The following DLGAP2 variants were observed in gnomAD, a reference collection of about 807,000 sequenced individuals.
DLGAP2 encodes disks large-associated protein 2.
A neutral mutation model predicts 100.3 loss-of-function variants in DLGAP2; 26 were observed. The ratio of observed to expected loss-of-function variants is 0.26; its 90% CI spans 0.19 to 0.36. The LOEUF (loss-of-function observed/expected upper bound fraction) is 0.36, where lower values mean the gene tolerates loss of function less well. Among genes scored for constraint, DLGAP2 ranks in the 10% least tolerant of loss-of-function variants. The pLI, the probability that DLGAP2 is intolerant of heterozygous loss-of-function variation, is 1.00. For synonymous variants in DLGAP2, 886 were observed against 630.1 expected (o/e 1.41, Z -6.08); for missense variants, 1,858 against 1,453.2 (o/e 1.28, Z -4.53).
chr8:1,630,894 C>T (rs935974097), intron 7 of DLGAP2, among the ~76,000 whole-genome samples: 47 of 139,168 alleles, frequency 3.4e-4, no homozygotes, highest in African/African-American at 1.3e-3. Context: ...GCGGGAGGTC[C>T]GGGTGTCCCG....
At chr8:912,358 A>G (rs926757301) in intron 2 of DLGAP2, among the ~76,000 whole-genome samples, 3 of 152,196 alleles carry the variant, frequency 2.0e-5, no homozygotes, top group East Asian at 3.9e-4. Flanking sequence ...TGTGGAACTG[A>G]CGGTTGCTTA....
chr8:1,088,855 A>C (rs1376854845), intron 2 of DLGAP2, among the ~76,000 whole-genome samples: 1 of 27,434 alleles, frequency 3.6e-5, no homozygotes, highest in African/African-American at 1.7e-4. Flanking sequence ...CCCCCACCCC[A>C]CTCTCTCCAC....
chr8:1,289,158 C>A (rs1387685625), intron 3 of DLGAP2, among the ~76,000 whole-genome samples: 1 of 152,126 alleles, frequency 6.6e-6, no homozygotes, highest in African/African-American at 2.4e-5. Context: ...AAGCCAATGT[C>A]TGCATTTAGC....
chr8:937,027 G>A (rs1297475741), intron 2 of DLGAP2, among the ~76,000 whole-genome samples: 1 of 152,186 alleles, frequency 6.6e-6, no homozygotes, highest in Non-Finnish European at 1.5e-5. Context: ...CTGTTTCTGT[G>A]TACAGAGGTC....
intron 1 of DLGAP2, among the ~76,000 whole-genome samples, chr8:815,098 T>C (rs2132676183): frequency 6.6e-6 from 1 of 151,938 alleles, no homozygotes; most frequent in East Asian, 1.9e-4. Context: ...GAAAGGGGGG[T>C]GTCGCAGTGC....
intron 8 of DLGAP2, among the ~76,000 whole-genome samples, chr8:1,662,293 C>T (rs1798425837): frequency 6.6e-6 from 1 of 152,140 alleles, no homozygotes; most frequent in African/African-American, 2.4e-5. Flanking sequence ...GTTAATAGTC[C>T]CTTTAAACAG....
intron 3 of DLGAP2, among the ~76,000 whole-genome samples, chr8:1,420,056 A>T (rs1399177870): frequency 6.6e-6 from 1 of 152,184 alleles, no homozygotes; most frequent in Non-Finnish European, 1.5e-5. Flanking sequence ...ACAGTGAATT[A>T]AGTCACTGGC....
At chr8:994,043 C>T (rs1800712876) in intron 2 of DLGAP2, among the ~76,000 whole-genome samples, 1 of 152,120 alleles carries the variant, frequency 6.6e-6, no homozygotes, top group East Asian at 1.9e-4. Context: ...TTAAACCCAG[C>T]AGGCGTTGCG....
chr8:1,191,225 A>G (rs11136356), intron 2 of DLGAP2, among the ~76,000 whole-genome samples: 58,403 of 139,382 alleles, frequency 0.42, 13,219 homozygotes, highest in Middle Eastern at 0.54. Context: ...AGGCTGGAGT[A>G]CAGTGGCGCG....
intron 1 of DLGAP2, among the ~76,000 whole-genome samples, chr8:873,891 C>T (rs1192650279): frequency 2.0e-5 from 3 of 152,136 alleles, no homozygotes; most frequent in African/African-American, 4.8e-5. Context: ...TTGCAGTCTT[C>T]ACTCTCGAGA....
intron 1 of DLGAP2, among the ~76,000 whole-genome samples, chr8:797,423 G>C (rs978030869): frequency 8.5e-5 from 13 of 152,230 alleles, no homozygotes; most frequent in African/African-American, 2.7e-4. Flanking sequence ...TTCTGCTGAA[G>C]AATGTGCCAC....
chr8:1,279,729 G>C (rs1228704403), intron 3 of DLGAP2, among the ~76,000 whole-genome samples: 1 of 152,174 alleles, frequency 6.6e-6, no homozygotes, highest in Admixed American at 6.5e-5. Context: ...TTATTTCCTT[G>C]TGGCTGTAGG....
intron 10 of DLGAP2, among the ~76,000 whole-genome samples, chr8:1,672,218 T>C (rs1003832982): frequency 6.9e-6 from 1 of 144,610 alleles, no homozygotes. Context: ...GTTGTTGTTT[T>C]TTATTTTTAA....
intron 3 of DLGAP2, among the ~76,000 whole-genome samples, chr8:1,480,724 G>A (rs1024231666): frequency 6.6e-6 from 1 of 151,744 alleles, no homozygotes; most frequent in Non-Finnish European, 1.5e-5. Context: ...AAACTAGCCA[G>A]GCATGGTGGT....
In DLGAP2 at chr8:1,227,740, G is replaced by C. The variant is rs182422707; in HGVS notation, c.74-31111G>C. 2.7e-3 allele frequency among the ~76,000 whole-genome samples: 415 copies of C among 152,302 alleles called. 2 individuals are homozygous for C. The highest frequency in any genetic ancestry group is 8.7e-3 in the African/African-American group (362 of 41,572). ...TATAAAGAGATAAAACTAGTTATCAGGGATGGGGTAGAGAGAGGAAAAGGA... is the reference window on the plus strand; with the variant it reads ...TATAAAGAGATAAAACTAGTTATCACGGATGGGGTAGAGAGAGGAAAAGGA... On this transcript the variant is annotated intron_variant, in intron 2 of 14. Coordinates refer to ENST00000637795, the MANE Select transcript of DLGAP2 (RefSeq NM_001346810.2).
intron 2 of DLGAP2, among the ~76,000 whole-genome samples, chr8:1,200,974 C>T (rs908744746): frequency 6.6e-6 from 1 of 152,214 alleles, no homozygotes; most frequent in African/African-American, 2.4e-5. Context: ...TGCGCTCGGC[C>T]TTAGGGAAAG....
At chr8:1,185,499 G>A (rs1011049085) in intron 2 of DLGAP2, among the ~76,000 whole-genome samples, 2 of 152,154 alleles carry the variant, frequency 1.3e-5, no homozygotes, top group African/African-American at 4.8e-5. Flanking sequence ...ATTTTTGGAT[G>A]TGGGGTTGTT....
chr8:1,632,693 G>A, intron 7 of DLGAP2, 134 bp from the exon 8 acceptor site: 1 of 811,366 alleles, frequency 1.2e-6, no homozygotes, highest in South Asian at 1.9e-5. Flanking sequence ...TGCCCATGCT[G>A]ACTTCAGGTT....
At chr8:1,523,656 C>T (rs1024804952) in intron 4 of DLGAP2, among the ~76,000 whole-genome samples, 1 of 152,180 alleles carries the variant, frequency 6.6e-6, no homozygotes, top group Non-Finnish European at 1.5e-5. Flanking sequence ...AAACATACCC[C>T]GAGGAACACT....
Sources: gnomAD v4.1 joint callset for allele counts (sites outside exome capture counted in the v4.1 genomes callset) on GRCh38, gnomAD v4.1.1 for gene constraint, MANE v1.5 for transcripts, NCBI Gene and HGNC (gene_info 2026-07-23, HGNC 2026-07-21) for gene names.